The following AGAP1 variants were observed in gnomAD, a reference collection of about 807,000 sequenced individuals.
AGAP1 encodes ArfGAP with GTPase domain, ankyrin repeat and PH domain 1.
In AGAP1, 29 loss-of-function variants were observed where a neutral mutation model predicts 105.3. The observed-to-expected ratio is 0.28, with a 90% CI of 0.21 to 0.38. The LOEUF (loss-of-function observed/expected upper bound fraction) is 0.38, where lower values mean the gene tolerates loss of function less well. Ranked by LOEUF, AGAP1 falls within the 10% of genes least tolerant of loss-of-function variation. The pLI, the probability that AGAP1 is intolerant of heterozygous loss-of-function variation, is 1.00. For synonymous variants in AGAP1, 509 were observed against 485.9 expected, an observed-to-expected ratio of 1.05 and a Z score of -0.63; for missense variants, 998 against 1,165.1, an observed-to-expected ratio of 0.86 and a Z score of 2.09.
At chr2:236,102,351 G>C (rs1190526701) in intron 16 of AGAP1, among the ~76,000 whole-genome samples, 1 of 149,590 alleles carries the variant, frequency 6.7e-6, no homozygotes, top group Non-Finnish European at 1.5e-5. Flanking sequence ...CCGGGAGGCA[G>C]AGCTTGCATT....
chr2:235,622,525 G>A lies in AGAP1; in HGVS notation c.164-86654G>A, dbSNP rs1946517492. ...GTTGGGGAGGACAGTGTTGGCTGCTGCTGTGCTTCCTTTAACTGAACCCCG... is the reference window on the plus strand; with the variant it reads ...GTTGGGGAGGACAGTGTTGGCTGCTACTGTGCTTCCTTTAACTGAACCCCG... On this transcript the variant is annotated intron_variant, in intron 1 of 17. Coordinates refer to ENST00000304032, the MANE Select transcript of AGAP1 (RefSeq NM_001037131.3). The surrounding 1 kb of genome is among the most constrained non-coding windows in gnomAD (Gnocchi z 5.0). Among the ~76,000 whole-genome samples, 1 of 152,164 alleles carries A rather than the reference G, an allele frequency of 6.6e-6. No individual in the cohort carries two copies. Among genetic ancestry groups the A allele is most frequent in the Non-Finnish European group, 1.5e-5 (1 of 68,040 alleles).
rs1000247457 is a variant in AGAP1 at position 235,830,224 on chromosome 2, C to T, written c.1050+22893C>T. On this transcript the variant is annotated intron_variant, in intron 9 of 17. Coordinates refer to ENST00000304032, the MANE Select transcript of AGAP1 (RefSeq NM_001037131.3). This position sits in a 1 kb window ranked among gnomAD's most constrained non-coding sequence, Gnocchi z 5.5. The stretch of plus-strand genomic sequence containing the variant: ...TCGGCTCTGTGTGACTTCCCCATGA[C>T]ACCAGTGGGCCAGGCTACAGTCACC... 3.9e-5 allele frequency among the ~76,000 whole-genome samples: 6 copies of T among 152,138 alleles called. No homozygotes were observed. Among genetic ancestry groups the T allele is most frequent in the Non-Finnish European group, 5.9e-5 (4 of 68,018 alleles).
intron 9 of AGAP1, among the ~76,000 whole-genome samples, chr2:235,823,210 TATC>T (rs1242001137): frequency 6.6e-6 from 1 of 152,304 alleles, no homozygotes; most frequent in Non-Finnish European, 1.5e-5. Context: ...ATATGTAACA[TATC>T]ATTATGTATT....
rs1315824233 is a variant in AGAP1, at chr2:235,754,619, T to TTG, written c.673+4136_673+4137dup. On this transcript the variant is annotated intron_variant, in intron 6 of 17. Coordinates refer to ENST00000304032, the MANE Select transcript of AGAP1 (RefSeq NM_001037131.3). This position sits in a 1 kb window ranked among gnomAD's most constrained non-coding sequence, Gnocchi z 4.6. ...AACCTTGCATTCACTTTTTGTTCGC[T>TTG]TGTGTGGTCCTGTTTACTTTGCTTT... Among the ~76,000 whole-genome samples, 1 of 152,200 alleles carries TTG rather than the reference T, an allele frequency of 6.6e-6. No homozygotes were observed. The highest frequency in any genetic ancestry group is 1.5e-5 in the Non-Finnish European group (1 of 68,038).
chr2:235,883,334 T>G lies in AGAP1; in HGVS notation c.1051-11T>G, dbSNP rs532840799. 2.7e-4 allele frequency: 435 copies of G among 1,611,392 alleles called. 9 individuals carry two copies. The South Asian group carries it at 4.5e-3, about 17-fold the overall frequency. ...CATTAGAATTTCTATTTGGCTCTTT[T>G]TCCCTTGTAGGGCATGCTGTTGAAG... On this transcript the variant is annotated splice_polypyrimidine_tract_variant and intron_variant, in intron 9 of 17. Coordinates refer to ENST00000304032, the MANE Select transcript of AGAP1 (RefSeq NM_001037131.3). The surrounding 1 kb of genome is among the most constrained non-coding windows in gnomAD (Gnocchi z 4.5).
rs1274485762 is a variant in AGAP1, at chr2:235,777,062, A to G, written c.674-20697A>G. On this transcript the variant is annotated intron_variant, in intron 6 of 17. Transcript: ENST00000304032. The surrounding 1 kb of genome is among the most constrained non-coding windows in gnomAD (Gnocchi z 5.1). ...GGATCCTGCAGAGAAACGAGGAAGT[A>G]TTAGACAGAAGTGATGCTGGGCGCG... 2.1e-6 allele frequency: 1 copy of G among 471,180 alleles called. No homozygotes were observed. The highest frequency in any genetic ancestry group is 2.0e-5 in the African/African-American group (1 of 50,216). The allele number at this position is 471,180 out of a possible 1,614,324, so 29.2% of individuals were successfully genotyped here. A position where few individuals can be genotyped will look rare whatever the true frequency, so the allele number is the denominator to read the frequency against.
chr2:236,047,598 CTTTT>C (rs59007077), intron 15 of AGAP1, among the ~76,000 whole-genome samples: 2 of 68,272 alleles, frequency 2.9e-5, no homozygotes, highest in Non-Finnish European at 5.0e-5. Flanking sequence ...TCTCACATTT[CTTTT>C]TTTTTTTTTT....
Position 235,865,004 on chromosome 2 carries a change from T to G in AGAP1, c.1051-18341T>G, listed in dbSNP as rs1299602607. On this transcript the variant is annotated intron_variant, in intron 9 of 17. Coordinates refer to ENST00000304032, the MANE Select transcript of AGAP1 (RefSeq NM_001037131.3). This position sits in a 1 kb window ranked among gnomAD's most constrained non-coding sequence, Gnocchi z 6.2. ...GAGAGAAACACAACAAACTTTTTAT[T>G]TCTTTCCCTGTCATTGTTCTTGGTC... Among the ~76,000 whole-genome samples, 3 of 152,210 alleles carry G rather than the reference T, an allele frequency of 2.0e-5. No homozygotes were observed. Among genetic ancestry groups the G allele is most frequent in the Admixed American group, 6.5e-5 (1 of 15,290 alleles).
rs760377132 is a variant in AGAP1 at position 236,120,485 on chromosome 2, A to G, written c.2370+38A>G. On this transcript the variant is annotated intron_variant, in intron 17 of 17. Coordinates refer to ENST00000304032, the MANE Select transcript of AGAP1 (RefSeq NM_001037131.3). This position sits in a 1 kb window ranked among gnomAD's most constrained non-coding sequence, Gnocchi z 6.0. ...CACGCCTGGCAGAGGACGGGGCCAC[A>G]GGAGGCACTCTCTGCTTTGTTCTGC... 2.1e-5 allele frequency: 34 copies of G among 1,608,702 alleles called. No homozygotes were observed. The highest frequency in any genetic ancestry group is 2.8e-5 in the Non-Finnish European group (33 of 1,178,642).
Position 235,716,702 on chromosome 2 carries a change from T to TGG in AGAP1, c.223-850_223-849dup, listed in dbSNP as rs765617858. Among the ~76,000 whole-genome samples, 1 of 151,934 alleles carries TGG rather than the reference T, an allele frequency of 6.6e-6. No individual in the cohort carries two copies. Among genetic ancestry groups the TGG allele is most frequent in the South Asian group, 2.1e-4 (1 of 4,812 alleles). On this transcript the variant is annotated intron_variant, in intron 2 of 17. Transcript: ENST00000304032. The surrounding 1 kb of genome is among the most constrained non-coding windows in gnomAD (Gnocchi z 4.0). ...GAGCAGCTTCCCAGAGAAGGCGGCA[T>TGG]GGGGGGTATCCAGCTCCCAAGCACA...
intron 12 of AGAP1, among the ~76,000 whole-genome samples, chr2:235,939,684 G>C (rs184157801): frequency 1.3e-5 from 2 of 152,178 alleles, no homozygotes; most frequent in African/African-American, 4.8e-5. Context: ...AGCACCCCTT[G>C]GTTCCCGTGG....
At chr2:235,560,655 A>G (rs1944117953) in intron 1 of AGAP1, among the ~76,000 whole-genome samples, 1 of 152,186 alleles carries the variant, frequency 6.6e-6, no homozygotes, top group African/African-American at 2.4e-5. Context: ...CAGCCAAAGA[A>G]TGTGGATGGC....
In AGAP1 at chr2:235,555,796, G is replaced by A. The variant is rs988903540; in HGVS notation, c.163+60947G>A. ...TTTGGGGGTCATCACTCATTTCTGA[G>A]TTACAGAAGTTAAATAGTGACTTGG... is the stretch of plus-strand genomic sequence containing the variant. On this transcript the variant is annotated intron_variant, in intron 1 of 17. Coordinates refer to ENST00000304032, the MANE Select transcript of AGAP1 (RefSeq NM_001037131.3). This position sits in a 1 kb window ranked among gnomAD's most constrained non-coding sequence, Gnocchi z 5.1. Among the ~76,000 whole-genome samples, 1 of 152,166 alleles carries A rather than the reference G, an allele frequency of 6.6e-6. No homozygotes were observed. The highest frequency in any genetic ancestry group is 1.5e-5 in the Non-Finnish European group (1 of 68,024).
chr2:235,664,712 C>T lies in AGAP1; in HGVS notation c.164-44467C>T, dbSNP rs770319601. Among the ~76,000 whole-genome samples, 15 of 152,146 alleles carry T rather than the reference C, an allele frequency of 9.9e-5. No individual in the cohort carries two copies. Among genetic ancestry groups the T allele is most frequent in the Non-Finnish European group, 1.9e-4 (13 of 68,026 alleles). ...GTCTCAGTGTGGGGTCCGATGCTTC[C>T]TATGGCTGCATGGAGGAAAGGAGTC... On this transcript the variant is annotated intron_variant, in intron 1 of 17. Coordinates refer to ENST00000304032, the MANE Select transcript of AGAP1 (RefSeq NM_001037131.3). The surrounding 1 kb of genome is among the most constrained non-coding windows in gnomAD (Gnocchi z 5.7).
At chr2:235,813,365 C>T (rs143337281) in intron 9 of AGAP1, among the ~76,000 whole-genome samples, 52 of 152,348 alleles carry the variant, frequency 3.4e-4, no homozygotes, top group Admixed American at 5.2e-4. Flanking sequence ...TAGTGTAGCC[C>T]TAGGTGCATC....
At chr2:235,756,392 T>C (rs570493329) in intron 6 of AGAP1, among the ~76,000 whole-genome samples, 1 of 152,282 alleles carries the variant, frequency 6.6e-6, no homozygotes, top group African/African-American at 2.4e-5. Flanking sequence ...GTGGTAGCTG[T>C]ATGGCATGTG....
At chr2:236,025,827 C>T (rs188280388) in intron 13 of AGAP1, among the ~76,000 whole-genome samples, 1,626 of 146,054 alleles carry the variant, frequency 0.011, 26 homozygotes, top group African/African-American at 0.039. Flanking sequence ...ACTTGAACCC[C>T]GGAGGCAGAG....
Position 235,988,020 on chromosome 2 carries a change from T to C in AGAP1, c.1645+19397T>C, listed in dbSNP as rs1050356669. The stretch of plus-strand genomic sequence containing the variant: ...GAATGTTGGTAGTTAAAACTCCTTT[T>C]GTTATTTTGTGTTTGTTCGTTTGTT... On this transcript the variant is annotated intron_variant, in intron 13 of 17. Coordinates refer to ENST00000304032, the MANE Select transcript of AGAP1 (RefSeq NM_001037131.3). The surrounding 1 kb of genome is among the most constrained non-coding windows in gnomAD (Gnocchi z 4.7). 6.6e-6 allele frequency among the ~76,000 whole-genome samples: 1 copy of C among 152,140 alleles called. No individual in the cohort carries two copies. Among genetic ancestry groups the C allele is most frequent in the African/African-American group, 2.4e-5 (1 of 41,410 alleles).
chr2:235,533,977 G>T (rs1943126769), intron 1 of AGAP1, among the ~76,000 whole-genome samples: 1 of 152,212 alleles, frequency 6.6e-6, no homozygotes, highest in South Asian at 2.1e-4. Context: ...TCTCCAGGGA[G>T]GGAGTGGGCT....
Sources: gnomAD v4.1 joint callset for allele counts (sites outside exome capture counted in the v4.1 genomes callset) on GRCh38, gnomAD v4.1.1 for gene constraint, Gnocchi (gnomAD v3.1) non-coding constraint, MANE v1.5 for transcripts, NCBI Gene and HGNC (gene_info 2026-07-23, HGNC 2026-07-21) for gene names.